RORA: variants seen among roughly 807,000 people sequenced by gnomAD.
RORA encodes nuclear receptor ROR-alpha.
In RORA, 7 loss-of-function variants were observed where a neutral mutation model predicts 69.5. That is an observed-to-expected ratio of 0.10 (90% CI 0.06 to 0.19). RORA has a LOEUF of 0.19. RORA is among the 10% of genes least tolerant of loss of function. The pLI, the probability that RORA is intolerant of heterozygous loss-of-function variation, is 1.00. For missense variants in RORA, 457 were observed against 663.0 expected, an observed-to-expected ratio of 0.69 and a Z score of 3.41; for synonymous variants, 261 against 240.8, an observed-to-expected ratio of 1.08 and a Z score of -0.78.
intron 2 of RORA, among the ~76,000 whole-genome samples, chr15:60,674,445 C>G (rs573188357): frequency 1.3e-5 from 2 of 152,298 alleles, no homozygotes; most frequent in East Asian, 3.9e-4. Context: ...TTCTCTAAGT[C>G]AAATTCAAAG....
At chr15:60,758,192 C>T (rs763440689) in intron 1 of RORA, among the ~76,000 whole-genome samples, 1 of 152,164 alleles carries the variant, frequency 6.6e-6, no homozygotes, top group Middle Eastern at 3.2e-3. Flanking sequence ...CAGCACAATG[C>T]CTGGCACAGG....
chr15:60,881,584 C>G (rs764320282), intron 1 of RORA, among the ~76,000 whole-genome samples: 32 of 152,098 alleles, frequency 2.1e-4, no homozygotes, highest in Non-Finnish European at 4.4e-5. Context: ...TAGTAAACCT[C>G]TAGCCTTTCT....
chr15:60,852,986 C>T (rs1439288275), intron 1 of RORA, among the ~76,000 whole-genome samples: 3 of 152,126 alleles, frequency 2.0e-5, no homozygotes, highest in Admixed American at 6.5e-5. Context: ...GAAAGATTGC[C>T]GGTAATATCC....
At chr15:60,644,325 A>C (rs1329865150) in intron 2 of RORA, among the ~76,000 whole-genome samples, 1 of 152,216 alleles carries the variant, frequency 6.6e-6, no homozygotes, top group Non-Finnish European at 1.5e-5. Flanking sequence ...CTCAAGCAAC[A>C]AGAACTTCTT....
intron 2 of RORA, among the ~76,000 whole-genome samples, chr15:60,610,198 TCACA>T (rs10674463): frequency 3.0e-4 from 45 of 148,358 alleles, no homozygotes; most frequent in African/African-American, 6.5e-4. Context: ...GTCGTGTAAG[TCACA>T]CACACACACA....
rs573457158 is a variant in RORA at position 60,582,813 on chromosome 15, T to C, written c.197-50962A>G. 3.3e-5 allele frequency among the ~76,000 whole-genome samples: 5 copies of C among 152,350 alleles called. No individual in the cohort carries two copies. In the East Asian group the frequency reaches 7.7e-4, roughly 23 times the overall value. Reference sequence around the variant, plus strand: ...GGGAGCAGATGACCTGTGAGGTCTATTGCAAAATGTTCACCATCAGTTGGG... The same window carrying C: ...GGGAGCAGATGACCTGTGAGGTCTACTGCAAAATGTTCACCATCAGTTGGG... On this transcript the variant is annotated intron_variant, in intron 2 of 10. Coordinates refer to ENST00000335670, the MANE Select transcript of RORA (RefSeq NM_134261.3).
chr15:60,796,796 A>T (rs2140353690), intron 1 of RORA, among the ~76,000 whole-genome samples: 1 of 152,140 alleles, frequency 6.6e-6, no homozygotes, highest in Non-Finnish European at 1.5e-5. Flanking sequence ...TTTCTCATCA[A>T]CTGATGAGTC....
At chr15:61,141,387 T>C (rs2079297176) in intron 1 of RORA, among the ~76,000 whole-genome samples, 1 of 152,208 alleles carries the variant, frequency 6.6e-6, no homozygotes, top group South Asian at 2.1e-4. Context: ...TGTAATCTTC[T>C]GCCCTGTTAT....
At chr15:60,519,725 A>T (rs1028702715) in intron 3 of RORA, among the ~76,000 whole-genome samples, 1 of 152,204 alleles carries the variant, frequency 6.6e-6, no homozygotes, top group Admixed American at 6.5e-5. Flanking sequence ...TAGGAGTCAC[A>T]TAAGAAAATC....
At chr15:60,882,323 G>A (rs1334484348) in intron 1 of RORA, among the ~76,000 whole-genome samples, 1 of 152,188 alleles carries the variant, frequency 6.6e-6, no homozygotes, top group Non-Finnish European at 1.5e-5. Flanking sequence ...AGTATGCACT[G>A]ACCTCTAATG....
At chr15:61,201,185 A>G (rs1250205302) in intron 1 of RORA, among the ~76,000 whole-genome samples, 1 of 152,248 alleles carries the variant, frequency 6.6e-6, no homozygotes. Flanking sequence ...CAGGTACCCA[A>G]GCAAAGTCAG....
At chr15:61,053,156 G>A (rs1307548693) in intron 1 of RORA, among the ~76,000 whole-genome samples, 3 of 152,158 alleles carry the variant, frequency 2.0e-5, no homozygotes, top group Non-Finnish European at 4.4e-5. Flanking sequence ...ACTTGGTCCT[G>A]AATCACTCGC....
At chr15:60,604,133 A>G (rs972568962) in intron 2 of RORA, among the ~76,000 whole-genome samples, 112 of 25,066 alleles carry the variant, frequency 4.5e-3, no homozygotes, top group African/African-American at 0.016. Flanking sequence ...ACTCTGTCTC[A>G]AAAAAAAAAA....
At chr15:61,104,788 C>T (rs142664847) in intron 1 of RORA, among the ~76,000 whole-genome samples, 1 of 152,132 alleles carries the variant, frequency 6.6e-6, no homozygotes, top group Admixed American at 6.5e-5. Context: ...GTGTCCCACC[C>T]AAATCTCATC....
chr15:60,778,913 G>A (rs2072212732), intron 1 of RORA, among the ~76,000 whole-genome samples: 1 of 152,054 alleles, frequency 6.6e-6, no homozygotes, highest in South Asian at 2.1e-4. Flanking sequence ...TTTCCTTTGA[G>A]TTTCAGGTTT....
At chr15:60,882,243 G>T (rs2073689317) in intron 1 of RORA, among the ~76,000 whole-genome samples, 1 of 152,134 alleles carries the variant, frequency 6.6e-6, no homozygotes, top group Non-Finnish European at 1.5e-5. Context: ...CTCGATTAGG[G>T]GCAATTTTGT....
rs1338083681 is a variant in RORA at position 60,989,387 on chromosome 15, A to G, written c.166+239666T>C. Among the ~76,000 whole-genome samples, 4 of 152,244 alleles carry G rather than the reference A, an allele frequency of 2.6e-5. No homozygotes were observed. In the East Asian group the frequency reaches 5.8e-4, roughly 22 times the overall value. ...TCAAACTTCATCTAAGTTGTAGCAT[A>G]TATCAGTACTTCATTCCTTTTTATG... On this transcript the variant is annotated intron_variant, in intron 1 of 10. Transcript: ENST00000335670.
intron 1 of RORA, among the ~76,000 whole-genome samples, chr15:61,035,231 C>A (rs1896394762): frequency 6.6e-6 from 1 of 152,168 alleles, no homozygotes. Flanking sequence ...CATTTAATGA[C>A]CATTGTTCTG....
At chr15:60,934,423 C>G (rs1196945526) in intron 1 of RORA, among the ~76,000 whole-genome samples, 1 of 152,102 alleles carries the variant, frequency 6.6e-6, no homozygotes, top group African/African-American at 2.4e-5. Flanking sequence ...TGGGCCATAA[C>G]TCCAGAGTAT....
Sources: gnomAD v4.1 joint callset for allele counts (sites outside exome capture counted in the v4.1 genomes callset) on GRCh38, gnomAD v4.1.1 for gene constraint, MANE v1.5 for transcripts, NCBI Gene and HGNC (gene_info 2026-07-23, HGNC 2026-07-21) for gene names.